Variants in NSL1 observed in about 807,000 individuals in gnomAD.
The protein encoded by NSL1 is kinetochore-associated protein NSL1 homolog.
A neutral mutation model predicts 25.4 loss-of-function variants in NSL1; 11 were observed. That is an observed-to-expected ratio of 0.43 (90% confidence interval 0.27 to 0.72). The LOEUF (loss-of-function observed/expected upper bound fraction) is 0.72. Ranked by LOEUF, NSL1 falls within the 30% of genes least tolerant of loss-of-function variation. The pLI, the probability that NSL1 is intolerant of heterozygous loss-of-function variation, is 0.19. For missense variants in NSL1, 330 were observed against 342.7 expected (o/e 0.96, Z 0.29); for synonymous variants, 118 against 120.6 (o/e 0.98, Z 0.14).
At chr1:212,767,081 GA>G (rs1423093861) in intron 4 of NSL1, among the ~76,000 whole-genome samples, 3 of 152,006 alleles carry the variant, frequency 2.0e-5, no homozygotes, top group African/African-American at 7.3e-5. Context: ...CACAGAACTA[GA>G]AAAAACAATC....
At chr1:212,746,888 G>A (rs1188621166) in intron 4 of NSL1, among the ~76,000 whole-genome samples, 2 of 152,216 alleles carry the variant, frequency 1.3e-5, no homozygotes, top group South Asian at 4.1e-4. Context: ...GCCCAGGCCT[G>A]TAATCCCAAC....
chr1:212,782,508 CTATA>C, intron 3 of NSL1, 82 bp from the exon 4 acceptor site: 1 of 984,208 alleles, frequency 1.0e-6, no homozygotes, highest in Non-Finnish European at 1.6e-6. Flanking sequence ...GGGAGATATA[CTATA>C]GAGTCAGTAC....
intron 4 of NSL1, among the ~76,000 whole-genome samples, chr1:212,741,599 G>T (rs1331915774): frequency 6.6e-6 from 1 of 152,160 alleles, no homozygotes; most frequent in Admixed American, 6.5e-5. Flanking sequence ...CTTCTGCCAT[G>T]ACTATAAGTT....
At position 212,727,256 on chromosome 1, in the gene NSL1, CCTTGAGACTCAGAG is replaced by C; in HGVS notation, c.*11138_*11151del. ...AACTATATATGGCTTTCAAGACTTG[CCTTGAGACTCAGAG>C]CTGTTTCACAACCCTTTGTTCCAGG... is the stretch of plus-strand genomic sequence containing the variant. On this transcript the variant is annotated 3_prime_UTR_variant, in exon 6 of 6. Transcript: ENST00000366977. The C allele has an allele frequency of 7.2e-7, 1 of 1,380,924 alleles. No homozygotes were observed. Among genetic ancestry groups the C allele is most frequent in the Non-Finnish European group, 9.4e-7 (1 of 1,058,294 alleles). The allele number at this position is 1,380,924 out of a possible 1,614,324, so 85.5% of individuals were successfully genotyped here. A position where few individuals can be genotyped will look rare whatever the true frequency, so the allele number is the denominator to read the frequency against.
chr1:212,738,222 G>A lies in NSL1; in HGVS notation c.*186C>T. ...TTTAAAATGCTTTTTATTTACAATA[G>A]ATAAAACAGTAAGGAAATACAATAT... On this transcript the variant is annotated 3_prime_UTR_variant, in exon 6 of 6. Transcript: ENST00000366977. The A allele has an allele frequency of 7.4e-7, 1 of 1,348,536 alleles. No homozygotes were observed. Among genetic ancestry groups the A allele is most frequent in the Admixed American group, 3.3e-5 (1 of 30,304 alleles). The allele number at this position is 1,348,536 out of a possible 1,614,324, so 83.5% of individuals were successfully genotyped here. A position where few individuals can be genotyped will look rare whatever the true frequency, so the allele number is the denominator to read the frequency against.
Position 212,736,415 on chromosome 1 carries a change from A to G in NSL1, c.*1993T>C, listed in dbSNP as rs1658234680. On this transcript the variant is annotated 3_prime_UTR_variant, in exon 6 of 6. Transcript: ENST00000366977. ...ATTTGATTTTCAATTTTTTCCTTCA[A>G]CCTTTCCAATTCCTTAAAACTACAG... is the stretch of plus-strand genomic sequence containing the variant. The G allele has an allele frequency of 1.0e-6, 1 of 984,996 alleles. No homozygotes were observed. The highest frequency in any genetic ancestry group is 1.2e-6 in the Non-Finnish European group (1 of 829,630). 61.0% of individuals were successfully genotyped at this position (984,996 alleles called of 1,614,324 possible).
At chr1:212,741,189 TA>T (rs1658486566) in intron 4 of NSL1, among the ~76,000 whole-genome samples, 1 of 152,070 alleles carries the variant, frequency 6.6e-6, no homozygotes, top group Non-Finnish European at 1.5e-5. Context: ...TAACAATTGT[TA>T]AATTTTCTCT....
chr1:212,745,299 A>T (rs1004297606), intron 4 of NSL1, among the ~76,000 whole-genome samples: 9 of 151,802 alleles, frequency 5.9e-5, no homozygotes, highest in Admixed American at 2.0e-4. Context: ...AACTTCCCAA[A>T]TTTGATAATA....
chr1:212,778,768 G>A (rs1423501305), intron 4 of NSL1, among the ~76,000 whole-genome samples: 1 of 152,076 alleles, frequency 6.6e-6, no homozygotes, highest in East Asian at 1.9e-4. Flanking sequence ...CCTCCCAGCA[G>A]CCTGCCTTGG....
rs182360340 is a variant in NSL1, at chr1:212,775,155, T to A, written c.499+7217A>T. Reference sequence around the variant, plus strand: ...AAGAAGCTGATCACAAGGGACCACATACCACATGATTCAATTTATATGAAA... The same window carrying A: ...AAGAAGCTGATCACAAGGGACCACAAACCACATGATTCAATTTATATGAAA... On this transcript the variant is annotated intron_variant, in intron 4 of 5. Coordinates refer to ENST00000366977, the MANE Select transcript of NSL1 (RefSeq NM_015471.4). 5.3e-5 allele frequency among the ~76,000 whole-genome samples: 8 copies of A among 152,316 alleles called. No individual in the cohort carries two copies. The East Asian group carries it at 1.5e-3, about 29-fold the overall frequency.
At chr1:212,779,611 G>T (rs1660601919) in intron 4 of NSL1, among the ~76,000 whole-genome samples, 1 of 124,462 alleles carries the variant, frequency 8.0e-6, no homozygotes, top group South Asian at 2.7e-4. Flanking sequence ...GAGGTGGGGG[G>T]GTCAGCCCCC....
rs1657919680 is a variant in NSL1, at chr1:212,729,481, G to A, written c.*8927C>T. ...TATTGTCTGGCACATGGCTGGGAAAGATCCTGAGGCTCTGGAGCTGGGGTG... is the reference window on the plus strand; with the variant it reads ...TATTGTCTGGCACATGGCTGGGAAAAATCCTGAGGCTCTGGAGCTGGGGTG... On this transcript the variant is annotated 3_prime_UTR_variant, in exon 6 of 6. Coordinates refer to ENST00000366977, the MANE Select transcript of NSL1 (RefSeq NM_015471.4). 1.0e-6 allele frequency: 1 copy of A among 985,326 alleles called. No individual in the cohort carries two copies. 61.0% of individuals were successfully genotyped at this position (985,326 alleles called of 1,614,324 possible). A position where few individuals can be genotyped will look rare whatever the true frequency, so the allele number is the denominator to read the frequency against.
chr1:212,779,497 G>A (rs1348396894), intron 4 of NSL1, among the ~76,000 whole-genome samples: 1 of 119,458 alleles, frequency 8.4e-6, no homozygotes, highest in Non-Finnish European at 1.8e-5. Flanking sequence ...CGCCCCGTCC[G>A]GGAGGGAGGT....
intron 1 of NSL1, among the ~76,000 whole-genome samples, 173 bp from the exon 2 acceptor site, chr1:212,787,810 C>T (rs1661006393): frequency 6.6e-6 from 1 of 152,074 alleles, no homozygotes; most frequent in South Asian, 2.1e-4. Context: ...ATTGATTCTA[C>T]CTACATTTTG....
At position 212,729,765 on chromosome 1, in the gene NSL1, C is replaced by A; in HGVS notation, c.*8643G>T. 2 of 985,254 alleles carry A rather than the reference C, an allele frequency of 2.0e-6. No individual in the cohort carries two copies. Among genetic ancestry groups the A allele is most frequent in the Non-Finnish European group, 2.4e-6 (2 of 829,904 alleles). 61.0% of individuals were successfully genotyped at this position (985,254 alleles called of 1,614,324 possible). On this transcript the variant is annotated 3_prime_UTR_variant, in exon 6 of 6. Coordinates refer to ENST00000366977, the MANE Select transcript of NSL1 (RefSeq NM_015471.4). Reference sequence around the variant, plus strand: ...CCTATCCGCTCTTCTGGTGGAGATGCTCGGCTATAAAACGGCTCAAAAGAA... The same window carrying A: ...CCTATCCGCTCTTCTGGTGGAGATGATCGGCTATAAAACGGCTCAAAAGAA...
At chr1:212,774,708 G>GA (rs1329221399) in intron 4 of NSL1, among the ~76,000 whole-genome samples, 1 of 152,162 alleles carries the variant, frequency 6.6e-6, no homozygotes, top group Non-Finnish European at 1.5e-5. Context: ...TAAAGAACTG[G>GA]AACCCCTACA....
chr1:212,768,707 T>G (rs1659957820), intron 4 of NSL1, among the ~76,000 whole-genome samples: 1 of 152,022 alleles, frequency 6.6e-6, no homozygotes. Context: ...ATAATAGACT[T>G]TAGGGACTCT....
chr1:212,784,223 T>C (rs1660846967), intron 3 of NSL1, 140 bp downstream of exon 3: 2 of 535,832 alleles, frequency 3.7e-6, no homozygotes, highest in Non-Finnish European at 6.5e-6. Flanking sequence ...GAGTAAAGTC[T>C]TACAAGAGAC....
chr1:212,738,653 A>C lies in NSL1; in HGVS notation c.601T>G (p.Phe201Val), dbSNP rs1278908587. The change falls in exon 6 of 6, where the codon TTT becomes GTT. Residue 201 changes from phenylalanine (F) to valine (V), a missense_variant. Physicochemically the swap from Phe to Val is conservative, Grantham distance 50 (BLOSUM62 -1). Transcript: ENST00000366977. ...LPALIEQGEG[F>V]SQVLRMQPVI... ...GGCTGCATCCTGAGAACTTGGGAAA[A>C]TCCCTCTCCTTGTTCAATTAATGCA... The C allele has an allele frequency of 6.2e-7, 1 of 1,614,058 alleles. No individual in the cohort carries two copies. Among genetic ancestry groups the C allele is most frequent in the Middle Eastern group, 1.7e-4 (1 of 6,058 alleles).
Sources: gnomAD v4.1 joint callset for allele counts (sites outside exome capture counted in the v4.1 genomes callset) on GRCh38, gnomAD v4.1.1 for gene constraint, MANE v1.5 for transcripts, NCBI Gene and HGNC (gene_info 2026-07-23, HGNC 2026-07-21) for gene names.